The following EIF4G3 variants were observed in gnomAD, a reference collection of about 807,000 sequenced individuals.
The protein encoded by EIF4G3 is eIF-4-gamma 3.
In EIF4G3, 34 loss-of-function variants were observed where a neutral mutation model predicts 186.4. The ratio of observed to expected loss-of-function variants is 0.18; its 90% confidence interval spans 0.14 to 0.24. The LOEUF is 0.24. Ranked by LOEUF, EIF4G3 falls within the 10% of genes least tolerant of loss-of-function variation. The pLI is 1.00. For missense variants in EIF4G3, 1,536 were observed against 1,948.5 expected (o/e 0.79, Z 3.99); for synonymous variants, 673 against 679.5 (o/e 0.99, Z 0.15).
intron 14 of EIF4G3, among the ~76,000 whole-genome samples, chr1:20,908,908 G>A (rs1214382302): frequency 6.6e-6 from 1 of 152,164 alleles, no homozygotes. Context: ...CCAGCACTTT[G>A]GGAGGCCAAG....
At chr1:21,021,775 C>T (rs1487049816) in intron 4 of EIF4G3, among the ~76,000 whole-genome samples, 4 of 152,016 alleles carry the variant, frequency 2.6e-5, no homozygotes, top group African/African-American at 7.2e-5. Context: ...AGGCTGGTCT[C>T]GAACTCCTGA....
Position 20,879,498 on chromosome 1 carries a change from C to T in EIF4G3, c.2447G>A (p.Ser816Asn), listed in dbSNP as rs1195805020. 6 of 1,450,244 alleles carry T rather than the reference C, an allele frequency of 4.1e-6. No individual in the cohort carries two copies. The highest frequency in any genetic ancestry group is 5.5e-6 in the Non-Finnish European group (6 of 1,093,812). The allele number at this position is 1,450,244 out of a possible 1,614,324, so 89.8% of individuals were successfully genotyped here. Residue 816 changes from serine (S) to asparagine (N), a missense_variant, in exon 20 of 37, where the codon AGT becomes AAT. This residue lies in a region of EIF4G3 where 139 missense variants were observed against 192.8 expected (regional missense o/e 0.72). Coordinates refer to ENST00000602326, the MANE Select transcript of EIF4G3 (RefSeq NM_001391906.1). ...CTGTGGTGTCAATTTATTTAAGATA[C>T]TTCGAACTTTTCTAAAAAGCTCCTA... ...KTQELFRKVR[S>N]ILNKLTPQMF...
intron 2 of EIF4G3, among the ~76,000 whole-genome samples, chr1:21,159,187 C>A (rs1191823122): frequency 1.3e-5 from 2 of 152,088 alleles, no homozygotes; most frequent in Non-Finnish European, 2.9e-5. Flanking sequence ...AATCCCAACA[C>A]TTTGGGAGGC....
At chr1:20,973,805 A>G (rs1386992028) in intron 10 of EIF4G3, among the ~76,000 whole-genome samples, 3 of 152,198 alleles carry the variant, frequency 2.0e-5, no homozygotes, top group Non-Finnish European at 2.9e-5. Flanking sequence ...GCCTGAAATT[A>G]TCTTCTTCCC....
chr1:21,100,588 C>T (rs2096493259), intron 2 of EIF4G3, among the ~76,000 whole-genome samples: 1 of 152,024 alleles, frequency 6.6e-6, no homozygotes, highest in South Asian at 2.1e-4. Context: ...GCTTGCCAAG[C>T]ACAGTTTCAC....
At chr1:20,855,568 G>A (rs887159988) in intron 25 of EIF4G3, among the ~76,000 whole-genome samples, 3 of 152,160 alleles carry the variant, frequency 2.0e-5, no homozygotes, top group Non-Finnish European at 4.4e-5. Flanking sequence ...TAGGCAGGGA[G>A]CACAGGAAGT....
chr1:20,813,118 A>G (rs756207114), intron 35 of EIF4G3, 40 bp downstream of exon 35: 2 of 1,372,302 alleles, frequency 1.5e-6, no homozygotes, highest in Non-Finnish European at 2.1e-6. Flanking sequence ...CATAATGGGG[A>G]TTTCAGATGT....
intron 12 of EIF4G3, among the ~76,000 whole-genome samples, chr1:20,953,348 T>C (rs1189432336): frequency 1.3e-5 from 2 of 152,184 alleles, no homozygotes; most frequent in Non-Finnish European, 2.9e-5. Flanking sequence ...ACTTATAAAC[T>C]AGAGTGAAAA....
At chr1:20,869,799 TG>T (rs2078678266) in intron 20 of EIF4G3, among the ~76,000 whole-genome samples, 2 of 123,870 alleles carry the variant, frequency 1.6e-5, no homozygotes, top group Non-Finnish European at 3.4e-5. Context: ...AAAAAAAAAG[TG>T]AAGTAAACAG....
At chr1:20,874,005 G>A (rs1375272899) in intron 20 of EIF4G3, among the ~76,000 whole-genome samples, 3 of 152,100 alleles carry the variant, frequency 2.0e-5, no homozygotes, top group Non-Finnish European at 2.9e-5. Context: ...CCACGTCCCT[G>A]AAAAGGACAT....
intron 14 of EIF4G3, among the ~76,000 whole-genome samples, chr1:20,914,964 T>A (rs1399828412): frequency 6.6e-6 from 1 of 152,244 alleles, no homozygotes; most frequent in African/African-American, 2.4e-5. Context: ...AGGTCCTTAC[T>A]AGTTTTCTGT....
intron 14 of EIF4G3, among the ~76,000 whole-genome samples, chr1:20,926,884 T>C (rs1158374007): frequency 1.3e-5 from 2 of 151,820 alleles, no homozygotes; most frequent in East Asian, 3.9e-4. Flanking sequence ...TTACTAATCC[T>C]GGAGATGTAA....
chr1:20,909,618 C>A (rs2092850131), intron 14 of EIF4G3, among the ~76,000 whole-genome samples: 1 of 152,074 alleles, frequency 6.6e-6, no homozygotes, highest in Non-Finnish European at 1.5e-5. Flanking sequence ...ATTATAGGCA[C>A]ATCACCTATT....
intron 2 of EIF4G3, among the ~76,000 whole-genome samples, chr1:21,165,650 T>G (rs2097844143): frequency 6.6e-6 from 1 of 152,062 alleles, no homozygotes. Flanking sequence ...GAAAATAGAC[T>G]TGGACTTGCC....
chr1:21,110,184 A>T (rs2096696808), intron 2 of EIF4G3, among the ~76,000 whole-genome samples: 1 of 152,256 alleles, frequency 6.6e-6, no homozygotes, highest in African/African-American at 2.4e-5. Context: ...TTAAAAGGAT[A>T]ATTTGATGAC....
chr1:21,032,466 T>C (rs1397318204), intron 4 of EIF4G3, among the ~76,000 whole-genome samples: 6 of 152,172 alleles, frequency 3.9e-5, no homozygotes, highest in Non-Finnish European at 8.8e-5. Context: ...TATTAATAGA[T>C]AGTGCATCCT....
At chr1:20,830,280 T>C (rs1349164994) in intron 30 of EIF4G3, among the ~76,000 whole-genome samples, 1 of 152,188 alleles carries the variant, frequency 6.6e-6, no homozygotes, top group East Asian at 1.9e-4. Context: ...TAAAAAGAGC[T>C]ACCACCATAG....
intron 2 of EIF4G3, among the ~76,000 whole-genome samples, chr1:21,103,811 T>C (rs894039747): frequency 6.6e-5 from 10 of 152,072 alleles, no homozygotes; most frequent in Non-Finnish European, 1.0e-4. Flanking sequence ...ACCACTGCAC[T>C]CCAACCTGGG....
intron 4 of EIF4G3, among the ~76,000 whole-genome samples, chr1:21,023,617 C>G (rs1300027695): frequency 6.6e-6 from 1 of 152,070 alleles, no homozygotes; most frequent in African/African-American, 2.4e-5. Flanking sequence ...ACAACCTACA[C>G]CTCCCAGCCG....
Sources: gnomAD v4.1 joint callset for allele counts (sites outside exome capture counted in the v4.1 genomes callset) on GRCh38, gnomAD v4.1.1 for gene constraint, gnomAD v4.1.1 regional missense constraint, MANE v1.5 for transcripts, NCBI Gene and HGNC (gene_info 2026-07-23, HGNC 2026-07-21) for gene names.